ABRAXAS2: variants seen among roughly 807,000 people sequenced by gnomAD.
ABRAXAS2 encodes the protein BRISC complex subunit Abraxas 2.
In ABRAXAS2, 23 loss-of-function variants were observed where a neutral mutation model predicts 49.0. The ratio of observed to expected loss-of-function variants is 0.47; its 90% CI spans 0.34 to 0.66. ABRAXAS2 has a LOEUF of 0.66. ABRAXAS2 is among the 30% of genes least tolerant of loss of function. The probability of loss-of-function intolerance (pLI) is 0.01; values close to 1 mark genes in which losing one functional copy is unlikely to be tolerated. For missense variants in ABRAXAS2, 443 were observed against 511.9 expected, an observed-to-expected ratio of 0.87 and a Z score of 1.30; for synonymous variants, 168 against 180.2, an observed-to-expected ratio of 0.93 and a Z score of 0.54.
Position 124,834,947 on chromosome 10 carries a change from GA to G in ABRAXAS2, c.1226del (p.Asn409ThrfsTer9). The G allele has an allele frequency of 1.5e-5, 24 of 1,610,722 alleles. No homozygotes were observed. The highest frequency in any genetic ancestry group is 1.9e-5 in the Non-Finnish European group (22 of 1,178,516). On this transcript the variant is annotated frameshift_variant, in exon 9 of 9. Coordinates refer to ENST00000298492, the MANE Select transcript of ABRAXAS2 (RefSeq NM_032182.4). LOFTEE classifies it high-confidence loss of function. ...TGGCACATCCCGACGAGGACCCCAG[GA>G]ACACTCAGACCTCCCAGATTTAACT... The part of the protein sequence containing the change: ...PMAHPDEDPR[N>X]TQTSQI
At chr10:124,806,544 A>T (rs1950745841) in intron 1 of ABRAXAS2, among the ~76,000 whole-genome samples, 1 of 152,208 alleles carries the variant, frequency 6.6e-6, no homozygotes, top group Admixed American at 6.5e-5. Flanking sequence ...GACATTGGTT[A>T]TGATACTTAA....
intron 4 of ABRAXAS2, among the ~76,000 whole-genome samples, chr10:124,826,280 T>G (rs1950895444): frequency 6.6e-6 from 1 of 152,180 alleles, no homozygotes; most frequent in African/African-American, 2.4e-5. Context: ...TAGATTAGTT[T>G]TCATTTTCTA....
intron 4 of ABRAXAS2, among the ~76,000 whole-genome samples, chr10:124,819,831 C>A (rs1950850550): frequency 6.6e-6 from 1 of 151,068 alleles, no homozygotes; most frequent in Admixed American, 6.6e-5. Flanking sequence ...TCCAAAAGGT[C>A]ATGTATTTAT....
At chr10:124,809,005 C>T (rs1950766273) in intron 2 of ABRAXAS2, among the ~76,000 whole-genome samples, 1 of 152,056 alleles carries the variant, frequency 6.6e-6, no homozygotes, top group South Asian at 2.1e-4. Context: ...GTGGCACATG[C>T]CTGTAATCCC....
chr10:124,824,662 G>A (rs540811182), intron 4 of ABRAXAS2, among the ~76,000 whole-genome samples: 1 of 152,262 alleles, frequency 6.6e-6, no homozygotes, highest in African/African-American at 2.4e-5. Flanking sequence ...TAGTCAATGA[G>A]TATTTCATGA....
chr10:124,822,152 C>T (rs535764112), intron 4 of ABRAXAS2, among the ~76,000 whole-genome samples: 1 of 152,298 alleles, frequency 6.6e-6, no homozygotes, highest in East Asian at 1.9e-4. Flanking sequence ...ACCTAAATGT[C>T]CAGCAGTGGG....
intron 8 of ABRAXAS2, among the ~76,000 whole-genome samples, chr10:124,833,386 G>T (rs1950947854): frequency 6.6e-6 from 1 of 151,666 alleles, no homozygotes; most frequent in African/African-American, 2.4e-5. Flanking sequence ...AATCACCTGA[G>T]CCTGACAGGT....
chr10:124,821,433 G>A (rs926492782), intron 4 of ABRAXAS2, among the ~76,000 whole-genome samples: 2 of 152,018 alleles, frequency 1.3e-5, no homozygotes, highest in African/African-American at 4.8e-5. Context: ...AGGAGTGGTG[G>A]CACGTGCCTC....
At position 124,819,365 on chromosome 10, in the gene ABRAXAS2, A is replaced by G. The variant is rs1950846381; in HGVS notation, c.201-19A>G. On this transcript the variant is annotated intron_variant, in intron 3 of 8. Coordinates refer to ENST00000298492, the MANE Select transcript of ABRAXAS2 (RefSeq NM_032182.4). ...CAATACTATGTGGTGTTAGTACAAG[A>G]TTTTTTTCTCTTAAACAGTTTTTAT... 6.2e-7 allele frequency: 1 copy of G among 1,610,834 alleles called. No individual in the cohort carries two copies. The highest frequency in any genetic ancestry group is 8.5e-7 in the Non-Finnish European group (1 of 1,177,108).
intron 6 of ABRAXAS2, 107 bp from the exon 7 acceptor site, chr10:124,829,286 G>T: frequency 2.7e-6 from 2 of 743,802 alleles, no homozygotes; most frequent in Non-Finnish European, 2.3e-6. Flanking sequence ...CTGTCACCTC[G>T]GAGTCACAGC....
Position 124,826,662 on chromosome 10 carries a change from T to C in ABRAXAS2, c.335T>C (p.Leu112Pro), listed in dbSNP as rs2134170297. 1 of 1,614,216 alleles carries C rather than the reference T, an allele frequency of 6.2e-7. No homozygotes were observed. Among genetic ancestry groups the C allele is most frequent in the African/African-American group, 1.3e-5 (1 of 75,070 alleles). The change falls in exon 5 of 9, where the codon CTT (leucine) becomes CCT (proline). Residue 112 changes from leucine (L) to proline (P), a missense_variant. Transcript: ENST00000298492. ...CAGATGTCCTACAGAGAGCAGGTTC[T>C]TCACAAGCAGCTCACCCGCATCCTC... Reference protein sequence around the residue: ...QQQMSYREQVLHKQLTRILGV... With the variant: ...QQQMSYREQVPHKQLTRILGV...
rs11245377 is a variant in ABRAXAS2, at chr10:124,819,802, A to C, written c.267+352A>C. Among the ~76,000 whole-genome samples, 33 of 151,856 alleles carry C rather than the reference A, an allele frequency of 2.2e-4. No homozygotes were observed. The East Asian group carries it at 6.4e-3, about 29-fold the overall frequency. On this transcript the variant is annotated intron_variant, in intron 4 of 8. Transcript: ENST00000298492. ...TTAAAAAAAAAAGAAAAAAAAAAAA[A>C]GTTGAACACAGGTGTTTTTCCAAAA... is the stretch of plus-strand genomic sequence containing the variant.
intron 4 of ABRAXAS2, among the ~76,000 whole-genome samples, chr10:124,825,728 A>G (rs1023065410): frequency 6.6e-6 from 1 of 152,280 alleles, no homozygotes; most frequent in African/African-American, 2.4e-5. Flanking sequence ...AGGAAGCTGT[A>G]TGAAGATTGA....
intron 1 of ABRAXAS2, among the ~76,000 whole-genome samples, 195 bp from the exon 2 acceptor site, chr10:124,806,636 T>G (rs1436035394): frequency 1.3e-5 from 2 of 152,216 alleles, no homozygotes; most frequent in African/African-American, 4.8e-5. Flanking sequence ...GTTATCCTTT[T>G]TTGGAACAAT....
At chr10:124,830,148 A>C (rs1157508500) in intron 7 of ABRAXAS2, among the ~76,000 whole-genome samples, 1 of 152,190 alleles carries the variant, frequency 6.6e-6, no homozygotes, top group Non-Finnish European at 1.5e-5. Flanking sequence ...GCCTGACTTT[A>C]AGGAAAAAGG....
intron 1 of ABRAXAS2, 27 bp downstream of exon 1, chr10:124,801,928 CG>C: frequency 2.5e-6 from 4 of 1,605,762 alleles, no homozygotes; most frequent in Non-Finnish European, 3.4e-6. Context: ...CTGCCGCGCC[CG>C]CTGGGGGCTT....
intron 5 of ABRAXAS2, among the ~76,000 whole-genome samples, chr10:124,827,484 G>A (rs888338006): frequency 6.6e-6 from 1 of 151,910 alleles, no homozygotes; most frequent in South Asian, 2.1e-4. Context: ...TTGTGGTTAC[G>A]GAAGGTATTT....
chr10:124,829,979 T>C (rs1950920572), intron 7 of ABRAXAS2, among the ~76,000 whole-genome samples: 1 of 152,224 alleles, frequency 6.6e-6, no homozygotes. Context: ...ATACTGAGCT[T>C]GGTGCTAACA....
At chr10:124,804,840 A>G (rs1950729882) in intron 1 of ABRAXAS2, among the ~76,000 whole-genome samples, 1 of 149,886 alleles carries the variant, frequency 6.7e-6, no homozygotes, top group Non-Finnish European at 1.5e-5. Flanking sequence ...CAGCCACTCT[A>G]GTAGCTGGGA....
Sources: gnomAD v4.1 joint callset for allele counts (sites outside exome capture counted in the v4.1 genomes callset) on GRCh38, gnomAD v4.1.1 for gene constraint, MANE v1.5 for transcripts, NCBI Gene and HGNC (gene_info 2026-07-23, HGNC 2026-07-21) for gene names.